Variants in HMGA2 observed in about 807,000 individuals in gnomAD.
HMGA2 encodes the protein high mobility group protein HMGI-C.
Under a neutral mutation model 19.1 loss-of-function variants are expected in HMGA2, and 8 were observed. The ratio of observed to expected loss-of-function variants is 0.42; its 90% CI spans 0.25 to 0.76. HMGA2 has a LOEUF of 0.76. Ranked by LOEUF, HMGA2 falls within the 30% of genes least tolerant of loss-of-function variation. The pLI, the probability that HMGA2 is intolerant of heterozygous loss-of-function variation, is 0.28. For synonymous variants in HMGA2, 60 were observed against 48.8 expected, an observed-to-expected ratio of 1.23 and a Z score of -0.96; for missense variants, 109 against 136.3, an observed-to-expected ratio of 0.80 and a Z score of 1.00.
chr12:65,857,246 A>G (rs1268115041), intron 3 of HMGA2: 1 of 152,238 alleles, frequency 6.6e-6, no homozygotes, highest in Non-Finnish European at 1.5e-5. Context: ...GAAGGAATGA[A>G]TAGACCTGAA....
rs71096056 is a variant in HMGA2 at position 65,875,589 on chromosome 12, A to ATTTTTTTTTTTTTTTTTTTT, written c.249+37042_249+37061dup. Among the ~76,000 whole-genome samples, 9 of 26,110 alleles carry ATTTTTTTTTTTTTTTTTTTT rather than the reference A, an allele frequency of 3.4e-4. 3 individuals carry two copies. The highest frequency in any genetic ancestry group is 6.8e-4 in the Non-Finnish European group (8 of 11,772). 17.1% of individuals were successfully genotyped at this position (26,110 alleles called of 152,430 possible). ...CGGGCATATGCCACCGTGCCCGGCT[A>ATTTTTTTTTTTTTTTTTTTT]TTTTTTTTTTTTTTTTTTTTTTTTT... On this transcript the variant is annotated intron_variant, in intron 3 of 4. Transcript: ENST00000403681.
rs374322394 is a variant in HMGA2, at chr12:65,917,395, C to A, written c.250-33988C>A. On this transcript the variant is annotated intron_variant, in intron 3 of 4. Coordinates refer to ENST00000403681, the MANE Select transcript of HMGA2 (RefSeq NM_003483.6). ...AAGCAAATGACAAAAGCTAGGACTGCAGAGAGGTGAAACCAGGGCCTAATC... is the reference window on the plus strand; with the variant it reads ...AAGCAAATGACAAAAGCTAGGACTGAAGAGAGGTGAAACCAGGGCCTAATC... Among the ~76,000 whole-genome samples, 36 of 152,258 alleles carry A rather than the reference C, an allele frequency of 2.4e-4. No homozygotes were observed. The East Asian group carries it at 4.1e-3, about 17-fold the overall frequency.
At chr12:65,897,553 G>T (rs887018449) in intron 3 of HMGA2, among the ~76,000 whole-genome samples, 6 of 152,212 alleles carry the variant, frequency 3.9e-5, no homozygotes, top group Admixed American at 3.9e-4. Flanking sequence ...ACAAAAAGGA[G>T]TGGTCAGGGA....
chr12:65,846,020 G>A (rs530520469), intron 3 of HMGA2, among the ~76,000 whole-genome samples: 1 of 152,306 alleles, frequency 6.6e-6, no homozygotes, highest in African/African-American at 2.4e-5. Context: ...GGAACAGGGG[G>A]TCAGCTCTGG....
chr12:65,945,802 A>C (rs1177030815), intron 3 of HMGA2, among the ~76,000 whole-genome samples: 1 of 152,196 alleles, frequency 6.6e-6, no homozygotes, highest in Non-Finnish European at 1.5e-5. Context: ...TTTTGTCTAG[A>C]AATCAGTGAA....
At chr12:65,898,118 A>G (rs983502068) in intron 3 of HMGA2, among the ~76,000 whole-genome samples, 3 of 152,274 alleles carry the variant, frequency 2.0e-5, no homozygotes, top group East Asian at 3.9e-4. Flanking sequence ...TCAGCCTCCA[A>G]CTAAATAACA....
At chr12:65,918,229 T>C (rs1875179275) in intron 3 of HMGA2, among the ~76,000 whole-genome samples, 1 of 152,226 alleles carries the variant, frequency 6.6e-6, no homozygotes, top group African/African-American at 2.4e-5. Context: ...TTCCTTCACC[T>C]CTTTTTGGTT....
intron 3 of HMGA2, among the ~76,000 whole-genome samples, chr12:65,929,210 T>C (rs1031772106): frequency 1.3e-5 from 2 of 152,200 alleles, no homozygotes; most frequent in South Asian, 4.1e-4. Context: ...ACCATTTCTC[T>C]GAGTAACAAG....
At chr12:65,947,329 G>A (rs1303126041) in intron 3 of HMGA2, among the ~76,000 whole-genome samples, 2 of 152,074 alleles carry the variant, frequency 1.3e-5, no homozygotes, top group Non-Finnish European at 2.9e-5. Flanking sequence ...TGCCCAAGCT[G>A]GTCTCGAACT....
intron 2 of HMGA2, chr12:65,828,818 A>G (rs1486549791): frequency 6.5e-6 from 1 of 152,672 alleles, no homozygotes; most frequent in Non-Finnish European, 1.5e-5. Flanking sequence ...GTTAAGTGTA[A>G]TATTCAGTGT....
At chr12:65,846,505 T>C (rs952400793) in intron 3 of HMGA2, among the ~76,000 whole-genome samples, 3 of 152,254 alleles carry the variant, frequency 2.0e-5, no homozygotes, top group Non-Finnish European at 4.4e-5. Flanking sequence ...GTTATCACAT[T>C]GTACTGTAAT....
intron 3 of HMGA2, among the ~76,000 whole-genome samples, chr12:65,877,790 G>A (rs1192408423): frequency 6.6e-6 from 1 of 150,536 alleles, no homozygotes; most frequent in Admixed American, 6.6e-5. Flanking sequence ...TTTTTTTTAG[G>A]CCTCTTCCCT....
chr12:65,880,954 C>T (rs1873344118), intron 3 of HMGA2, among the ~76,000 whole-genome samples: 1 of 152,108 alleles, frequency 6.6e-6, no homozygotes, highest in African/African-American at 2.4e-5. Flanking sequence ...TAAAACCACT[C>T]GTAAATATCA....
At chr12:65,926,933 A>T (rs1433148513) in intron 3 of HMGA2, among the ~76,000 whole-genome samples, 1 of 152,186 alleles carries the variant, frequency 6.6e-6, no homozygotes. Context: ...GACCATGTTG[A>T]TCACTGTTAC....
chr12:65,907,686 A>C (rs1379253358), intron 3 of HMGA2, among the ~76,000 whole-genome samples: 2 of 152,156 alleles, frequency 1.3e-5, no homozygotes, highest in African/African-American at 4.8e-5. Flanking sequence ...ACGTTTAGGG[A>C]AATTGGTGAT....
intron 3 of HMGA2, among the ~76,000 whole-genome samples, chr12:65,907,435 G>T (rs1044389398): frequency 1.3e-5 from 2 of 150,670 alleles, no homozygotes; most frequent in African/African-American, 2.5e-5. Context: ...AAAAAAAGGT[G>T]GGGGGTAAAG....
chr12:65,850,076 T>C (rs752708838), intron 3 of HMGA2, among the ~76,000 whole-genome samples: 7 of 152,180 alleles, frequency 4.6e-5, no homozygotes, highest in Non-Finnish European at 1.0e-4. Flanking sequence ...TTTGTGGATA[T>C]TAAAATTTGT....
intron 3 of HMGA2, chr12:65,842,903 T>C: frequency 8.2e-7 from 1 of 1,220,134 alleles, no homozygotes; most frequent in Non-Finnish European, 1.0e-6. Context: ...AATGAAGTAA[T>C]AAAGTTGTTA....
At chr12:65,961,660 CG>C (rs1184046737) in intron 4 of HMGA2, among the ~76,000 whole-genome samples, 1 of 151,982 alleles carries the variant, frequency 6.6e-6, no homozygotes, top group South Asian at 2.1e-4. Context: ...GCTCAGTCTT[CG>C]GGGGGAAAGA....
Sources: allele counts gnomAD v4.1 joint callset (sites outside exome capture counted in the v4.1 genomes callset), GRCh38; gene constraint gnomAD v4.1.1; transcripts MANE v1.5; gene names NCBI Gene and HGNC (gene_info 2026-07-23, HGNC 2026-07-21).